Variants in DDX42 observed in about 807,000 individuals in gnomAD.
DDX42 encodes the protein ATP-dependent RNA helicase DDX42.
Under a neutral mutation model 101.5 loss-of-function variants are expected in DDX42, and 22 were observed. The ratio of observed to expected loss-of-function variants is 0.22; its 90% CI spans 0.15 to 0.31. The LOEUF is 0.31. DDX42 is among the 10% of genes least tolerant of loss of function. The pLI, the probability that DDX42 is intolerant of heterozygous loss-of-function variation, is 1.00. For synonymous variants in DDX42, 402 were observed against 401.2 expected, an observed-to-expected ratio of 1.00 and a Z score of -0.02; for missense variants, 849 against 1,199.9, an observed-to-expected ratio of 0.71 and a Z score of 4.32.
intron 1 of DDX42, among the ~76,000 whole-genome samples, chr17:63,781,862 T>C (rs1270606321): frequency 1.3e-5 from 2 of 151,514 alleles, no homozygotes; most frequent in Non-Finnish European, 2.9e-5. Context: ...TACAAAAAAT[T>C]AGCCGGGCCT....
chr17:63,811,249 C>A, intron 13 of DDX42, 76 bp downstream of exon 13: 3 of 1,092,294 alleles, frequency 2.7e-6, no homozygotes, highest in East Asian at 2.6e-5. Context: ...TAATTTCTCA[C>A]TATTGAGATA....
chr17:63,817,488 T>C, intron 17 of DDX42: 1 of 549,690 alleles, frequency 1.8e-6, no homozygotes, highest in East Asian at 2.9e-5. Context: ...TTCAGAACAC[T>C]GGGGGTCCAT....
Position 63,818,540 on chromosome 17 carries a change from C to T in DDX42, c.*142C>T. On this transcript the variant is annotated 3_prime_UTR_variant, in exon 18 of 18. Coordinates refer to ENST00000389924, the MANE Select transcript of DDX42 (RefSeq NM_203499.3). The stretch of plus-strand genomic sequence containing the variant: ...AGAGCTGGAGCTTGGAGACATTACC[C>T]CTTCATCAGAAGGAATTTTCGGATG... The T allele has an allele frequency of 4.1e-6, 3 of 727,858 alleles. 1 individual carries two copies. The South Asian group carries it at 6.3e-5, about 15-fold the overall frequency. The allele number at this position is 727,858 out of a possible 1,614,324, so 45.1% of individuals were successfully genotyped here.
chr17:63,817,110 A>G (rs1338902378), intron 17 of DDX42, 144 bp downstream of exon 17: 2 of 630,042 alleles, frequency 3.2e-6, no homozygotes, highest in African/African-American at 3.7e-5. Flanking sequence ...TTTGAATATA[A>G]ACCTAACAGT....
chr17:63,775,611 C>T (rs1377682572), intron 1 of DDX42, among the ~76,000 whole-genome samples: 1 of 152,056 alleles, frequency 6.6e-6, no homozygotes, highest in African/African-American at 2.4e-5. Flanking sequence ...ACGTTCCAAG[C>T]TAGAGAATAA....
rs2039869908 is a variant in DDX42 at position 63,808,512 on chromosome 17, T to A, written c.1024-308T>A. ...TTAAGAGGAAAAGCCTATTGTGATA[T>A]GGGGATTGTTTGTATTATAAGCTGA... is the stretch of plus-strand genomic sequence containing the variant. On this transcript the variant is annotated intron_variant, in intron 9 of 17. Coordinates refer to ENST00000389924, the MANE Select transcript of DDX42 (RefSeq NM_203499.3). 2.0e-5 allele frequency among the ~76,000 whole-genome samples: 3 copies of A among 152,114 alleles called. No homozygotes were observed. The South Asian group carries it at 6.2e-4, about 32-fold the overall frequency.
intron 1 of DDX42, among the ~76,000 whole-genome samples, chr17:63,783,846 T>A (rs1019814096): frequency 6.6e-6 from 1 of 152,060 alleles, no homozygotes; most frequent in African/African-American, 2.4e-5. Flanking sequence ...TTGGATTGAT[T>A]GAGGTCGGGA....
intron 2 of DDX42, among the ~76,000 whole-genome samples, chr17:63,789,335 T>C (rs2039590869): frequency 6.6e-6 from 1 of 152,004 alleles, no homozygotes; most frequent in African/African-American, 2.4e-5. Flanking sequence ...CGCCTCAGCC[T>C]CCCAAAATGC....
Position 63,807,712 on chromosome 17 carries a change from CT to C in DDX42, c.847-7del. ...GAAATTTTAGAGTGGTTATATTTTA[CT>C]TTTTCTCCAGGGTGTGCCTGTGGCA... is the stretch of plus-strand genomic sequence containing the variant. On this transcript the variant is annotated splice_polypyrimidine_tract_variant and intron_variant, in intron 8 of 17. Coordinates refer to ENST00000389924, the MANE Select transcript of DDX42 (RefSeq NM_203499.3). The C allele has an allele frequency of 5.0e-6, 8 of 1,602,022 alleles. No homozygotes were observed. The highest frequency in any genetic ancestry group is 6.0e-6 in the Non-Finnish European group (7 of 1,174,638).
At chr17:63,778,548 C>A (rs539652189) in intron 1 of DDX42, among the ~76,000 whole-genome samples, 4 of 152,170 alleles carry the variant, frequency 2.6e-5, no homozygotes, top group Non-Finnish European at 4.4e-5. Flanking sequence ...TTACTGTATC[C>A]TTAGCACCTT....
Position 63,798,026 on chromosome 17 carries a change from T to TTG in DDX42, c.373-10_373-9dup. 1 of 1,607,808 alleles carries TTG rather than the reference T, an allele frequency of 6.2e-7. No individual in the cohort carries two copies. The highest frequency in any genetic ancestry group is 8.5e-7 in the Non-Finnish European group (1 of 1,177,500). On this transcript the variant is annotated splice_polypyrimidine_tract_variant and intron_variant, in intron 3 of 17. Coordinates refer to ENST00000389924, the MANE Select transcript of DDX42 (RefSeq NM_203499.3). ...AGTTGATGTCATTCTATACAGCCTT[T>TTG]TGTTTCATTAGGATCAGGCAGCTAG...
intron 2 of DDX42, among the ~76,000 whole-genome samples, chr17:63,788,414 C>A (rs1332528506): frequency 6.7e-6 from 1 of 148,680 alleles, no homozygotes; most frequent in Non-Finnish European, 1.5e-5. Context: ...TCAAGTGATT[C>A]TCCTGCCTCA....
At chr17:63,794,403 G>A (rs1322327114) in intron 3 of DDX42, among the ~76,000 whole-genome samples, 2 of 151,862 alleles carry the variant, frequency 1.3e-5, no homozygotes, top group African/African-American at 2.4e-5. Context: ...TTAGCCAGGC[G>A]TGGTGGCATG....
rs903941423 is a variant in DDX42, at chr17:63,818,069, G to C, written c.2488G>C (p.Asp830His). ...CGGAGAGACTGGCAATCGGCATAGC[G>C]ATAGTCCACGTCACGGAGATGGTGG... ...SHGETGNRHS[D>H]SPRHGDGGRH... Residue 830 changes from aspartate to histidine, a missense_variant, in exon 18 of 18, where the codon GAT becomes CAT. Around this residue, in one of 5 missense-constraint regions of DDX42, gnomAD observed 300 missense variants for 304.9 expected, o/e 0.98. Transcript: ENST00000389924. The C allele has an allele frequency of 6.2e-7, 1 of 1,613,836 alleles. No homozygotes were observed. Among genetic ancestry groups the C allele is most frequent in the Non-Finnish European group, 8.5e-7 (1 of 1,180,014 alleles).
chr17:63,810,386 T>TG, intron 11 of DDX42, 127 bp from the exon 12 acceptor site: 3 of 905,294 alleles, frequency 3.3e-6, no homozygotes, highest in Non-Finnish European at 4.9e-6. Flanking sequence ...CCACTGTGCC[T>TG]GGCCTGGGGT....
At chr17:63,810,333 C>T (rs2727295) in intron 11 of DDX42, 180 bp from the exon 12 acceptor site, 244,370 of 442,110 alleles carry the variant, frequency 0.55, 72,877 homozygotes, top group South Asian at 0.73. Context: ...TCAAGTGATC[C>T]GCCTGCTTCG....
chr17:63,800,456 G>T lies in DDX42; in HGVS notation c.472-12G>T. The T allele has an allele frequency of 6.2e-7, 1 of 1,612,192 alleles. No homozygotes were observed. Among genetic ancestry groups the T allele is most frequent in the Non-Finnish European group, 8.5e-7 (1 of 1,179,090 alleles). On this transcript the variant is annotated splice_polypyrimidine_tract_variant and intron_variant, in intron 5 of 17. Transcript: ENST00000389924. Reference sequence around the variant, plus strand: ...TACTTGGGTGTGATTATGTTCTTGTGCTTTCCTGCAGGAAGCTTATTTTCG... The same window carrying T: ...TACTTGGGTGTGATTATGTTCTTGTTCTTTCCTGCAGGAAGCTTATTTTCG...
intron 1 of DDX42, among the ~76,000 whole-genome samples, chr17:63,778,268 A>G (rs1173039015): frequency 6.6e-6 from 1 of 152,238 alleles, no homozygotes; most frequent in Non-Finnish European, 1.5e-5. Flanking sequence ...AGACTATGGA[A>G]GATTTGCTGG....
Position 63,807,704 on chromosome 17 carries a change from A to G in DDX42, c.847-20A>G. On this transcript the variant is annotated intron_variant, in intron 8 of 17. Coordinates refer to ENST00000389924, the MANE Select transcript of DDX42 (RefSeq NM_203499.3). ...TTAGAATTGAAATTTTAGAGTGGTT[A>G]TATTTTACTTTTTCTCCAGGGTGTG... is the stretch of plus-strand genomic sequence containing the variant. 5 of 1,601,922 alleles carry G rather than the reference A, an allele frequency of 3.1e-6. No homozygotes were observed. The highest frequency in any genetic ancestry group is 2.6e-6 in the Non-Finnish European group (3 of 1,174,354).
Sources: gnomAD v4.1 joint callset for allele counts (sites outside exome capture counted in the v4.1 genomes callset) on GRCh38, gnomAD v4.1.1 for gene constraint, gnomAD v4.1.1 regional missense constraint, MANE v1.5 for transcripts, NCBI Gene and HGNC (gene_info 2026-07-23, HGNC 2026-07-21) for gene names.